Variants in ST8SIA5 observed in about 807,000 individuals in gnomAD.
The protein encoded by ST8SIA5 is ST8 alpha-N-acetyl-neuraminide alpha-2,8-sialyltransferase 5, also known as alpha-2,8-sialyltransferase 8E.
Under a neutral mutation model 40.2 loss-of-function variants are expected in ST8SIA5, and 24 were observed. The observed-to-expected ratio is 0.60, with a 90% CI of 0.43 to 0.84. The LOEUF (loss-of-function observed/expected upper bound fraction) is 0.84, where lower values mean the gene tolerates loss of function less well. Ranked by LOEUF, ST8SIA5 falls within the 40% of genes least tolerant of loss-of-function variation. The pLI, the probability that ST8SIA5 is intolerant of heterozygous loss-of-function variation, is 0.00. For synonymous variants in ST8SIA5, 198 were observed against 201.8 expected (o/e 0.98, Z 0.16); for missense variants, 465 against 498.5 (o/e 0.93, Z 0.64).
intron 1 of ST8SIA5, among the ~76,000 whole-genome samples, chr18:46,751,943 G>A (rs1349197158): frequency 2.0e-5 from 3 of 152,082 alleles, no homozygotes; most frequent in African/African-American, 4.8e-5. Context: ...GTAGCTCCAC[G>A]CACGAGGATC....
chr18:46,688,183 C>A (rs907091591), intron 4 of ST8SIA5, among the ~76,000 whole-genome samples: 2 of 152,196 alleles, frequency 1.3e-5, no homozygotes, highest in Non-Finnish European at 2.9e-5. Context: ...GCACAGCCTA[C>A]CTCCAGAATT....
chr18:46,721,537 C>A, intron 1 of ST8SIA5: 1 of 1,328,282 alleles, frequency 7.5e-7, no homozygotes, highest in Non-Finnish European at 1.0e-6. Context: ...ACCAGAGAGC[C>A]ACATTCTGTT....
At chr18:46,716,360 G>C (rs2039791729) in intron 1 of ST8SIA5, among the ~76,000 whole-genome samples, 1 of 152,144 alleles carries the variant, frequency 6.6e-6, no homozygotes. Flanking sequence ...ATCTATTTGG[G>C]GCTTGCTCTT....
At chr18:46,723,787 A>T (rs1424804059) in intron 1 of ST8SIA5, among the ~76,000 whole-genome samples, 1 of 152,072 alleles carries the variant, frequency 6.6e-6, no homozygotes. Flanking sequence ...TTAGCCAGGC[A>T]TGGTGGCAGG....
intron 1 of ST8SIA5, among the ~76,000 whole-genome samples, chr18:46,749,215 A>C (rs2040172313): frequency 6.6e-6 from 1 of 152,122 alleles, no homozygotes; most frequent in Non-Finnish European, 1.5e-5. Context: ...ACTAGGAGGG[A>C]TAGGGGTCTG....
intron 1 of ST8SIA5, among the ~76,000 whole-genome samples, chr18:46,710,517 CCTTCCTTT>C (rs1319261824): frequency 7.5e-5 from 11 of 146,198 alleles, no homozygotes; most frequent in African/African-American, 2.8e-4. Context: ...CCTTCTCCTT[CCTTCCTTT>C]CTTCCTTTCT....
At chr18:46,682,122 A>G in intron 5 of ST8SIA5, 58 bp from the exon 6 acceptor site, 1 of 935,964 alleles carries the variant, frequency 1.1e-6, no homozygotes, top group Non-Finnish European at 1.6e-6. Context: ...CAGGCTGGGG[A>G]GGGTGCAGGG....
rs913695122 is a variant in ST8SIA5 at position 46,671,237 on chromosome 18, T to C, written c.*8805A>G. 1 of 152,116 alleles carries C rather than the reference T, an allele frequency of 6.6e-6. No individual in the cohort carries two copies. 9.4% of individuals were successfully genotyped at this position (152,116 alleles called of 1,614,324 possible). On this transcript the variant is annotated 3_prime_UTR_variant, in exon 7 of 7. Transcript: ENST00000315087. The stretch of plus-strand genomic sequence containing the variant: ...CTCATGGGGGTTGAAGTTGCCCACG[T>C]TGTGGGGGCATCTTTGGAGGAGGGA...
chr18:46,688,391 G>T (rs1300871884), intron 4 of ST8SIA5, among the ~76,000 whole-genome samples: 1 of 152,132 alleles, frequency 6.6e-6, no homozygotes, highest in Non-Finnish European at 1.5e-5. Flanking sequence ...ATCTGCACTG[G>T]GTTGTTCTTT....
intron 5 of ST8SIA5, chr18:46,685,870 G>A (rs978142465): frequency 3.1e-5 from 11 of 351,034 alleles, no homozygotes; most frequent in Admixed American, 1.5e-4. Context: ...CCAAGGAGAC[G>A]GTGCCCAGAG....
intron 1 of ST8SIA5, 30 bp downstream of exon 1, chr18:46,756,348 G>A (rs749039237): frequency 6.2e-7 from 1 of 1,604,326 alleles, no homozygotes; most frequent in East Asian, 2.3e-5. Context: ...CCGGCTCCGC[G>A]CATCCCGCCC....
intron 1 of ST8SIA5, among the ~76,000 whole-genome samples, chr18:46,749,977 A>G (rs2040181271): frequency 1.3e-5 from 2 of 152,228 alleles, no homozygotes. Flanking sequence ...GGCCCTCACC[A>G]GAACCCAACC....
rs1852877930 is a variant in ST8SIA5, at chr18:46,680,152, C to T, written c.1021G>A (p.Val341Ile). The part of the protein sequence containing the change: ...LYITHHYYDN[V>I]KPRPGFHAMP... ...GCGTGGAAGCCGGGACGCGGCTTGACGTTGTCATAGTAGTGGTGAGTGATG... is the reference window on the plus strand; with the variant it reads ...GCGTGGAAGCCGGGACGCGGCTTGATGTTGTCATAGTAGTGGTGAGTGATG... The change falls in exon 7 of 7, where the codon GTC (valine) becomes ATC (isoleucine). Residue 341 changes from valine (V) to isoleucine (I), a missense_variant. Coordinates refer to ENST00000315087, the MANE Select transcript of ST8SIA5 (RefSeq NM_013305.6). 1.9e-6 allele frequency: 3 copies of T among 1,614,226 alleles called. No homozygotes were observed. Among genetic ancestry groups the T allele is most frequent in the Non-Finnish European group, 1.7e-6 (2 of 1,180,042 alleles).
intron 1 of ST8SIA5, among the ~76,000 whole-genome samples, chr18:46,716,205 A>C (rs2039790077): frequency 6.6e-6 from 1 of 152,158 alleles, no homozygotes; most frequent in African/African-American, 2.4e-5. Flanking sequence ...TTCCTCATCT[A>C]TAAAATGGAG....
intron 1 of ST8SIA5, among the ~76,000 whole-genome samples, chr18:46,727,262 GAT>G (rs1452972273): frequency 2.0e-5 from 3 of 152,222 alleles, no homozygotes; most frequent in African/African-American, 7.2e-5. Flanking sequence ...TAAAATCTGG[GAT>G]ATGTTTATGG....
intron 1 of ST8SIA5, among the ~76,000 whole-genome samples, chr18:46,710,405 T>TTCTC (rs1170018279): frequency 1.6e-5 from 2 of 121,808 alleles, no homozygotes; most frequent in Non-Finnish European, 3.4e-5. Flanking sequence ...CTTTCTTTCT[T>TTCTC]TCTTTCTTTC....
At chr18:46,720,724 G>C (rs1188858081) in intron 1 of ST8SIA5, among the ~76,000 whole-genome samples, 2 of 152,130 alleles carry the variant, frequency 1.3e-5, no homozygotes, top group African/African-American at 4.8e-5. Context: ...TCCCAGCAGA[G>C]ACAGTATCCT....
chr18:46,725,972 A>AAAAAAAT lies in ST8SIA5; in HGVS notation c.132-21309_132-21308insATTTTTT, dbSNP rs59660372. On this transcript the variant is annotated intron_variant, in intron 1 of 6. Transcript: ENST00000315087. ...CCCATCTCTACTTAAAAAAAAAAAA[A>AAAAAAAT]ATATATATATATATATATATATATA... Among the ~76,000 whole-genome samples, 44 of 29,084 alleles carry AAAAAAAT rather than the reference A, an allele frequency of 1.5e-3. 1 individual carries two copies. The highest frequency in any genetic ancestry group is 4.2e-3 in the South Asian group (3 of 722). The allele number at this position is 29,084 out of a possible 152,430, so 19.1% of individuals were successfully genotyped here. A position where few individuals can be genotyped will look rare whatever the true frequency, so the allele number is the denominator to read the frequency against.
At position 46,688,889 on chromosome 18, in the gene ST8SIA5, A is replaced by G; in HGVS notation, c.342T>C (p.Pro114=). 1 of 1,614,000 alleles carries G rather than the reference A, an allele frequency of 6.2e-7. No homozygotes were observed. The highest frequency in any genetic ancestry group is 8.5e-7 in the Non-Finnish European group (1 of 1,179,924). The change falls in exon 4 of 7, where the codon CCT becomes CCC. Residue 114 remains proline, a synonymous_variant. Coordinates refer to ENST00000315087, the MANE Select transcript of ST8SIA5 (RefSeq NM_013305.6). ...TCTTCTGGGTGGTGAAGAGAAAGGC[A>G]GGGGCGTTGCAGCACCTGGACAGAG... ...KSTLSRCCNA[P]AFLFTTQKNT... is the part of the protein sequence containing the mutation.
Sources: allele counts gnomAD v4.1 joint callset (sites outside exome capture counted in the v4.1 genomes callset), GRCh38; gene constraint gnomAD v4.1.1; transcripts MANE v1.5; gene names NCBI Gene and HGNC (gene_info 2026-07-23, HGNC 2026-07-21).